Variants in APLF observed in about 807,000 individuals in gnomAD.
APLF encodes the protein aprataxin and PNKP like factor, also known as aprataxin and PNK-like factor.
APLF carries 61 observed loss-of-function variants against 55.6 expected under a neutral mutation model. That is an observed-to-expected ratio of 1.10 (90% CI 0.89 to 1.36). APLF has a LOEUF of 1.36. Ranked by LOEUF, APLF falls within the 40% of genes most tolerant of loss-of-function variation. APLF has a pLI of 0.00. For missense variants in APLF, 611 were observed against 602.5 expected, an observed-to-expected ratio of 1.01 and a Z score of -0.15; for synonymous variants, 207 against 214.8, an observed-to-expected ratio of 0.96 and a Z score of 0.32.
intron 5 of APLF, among the ~76,000 whole-genome samples, chr2:68,519,230 ATATAT>A (rs1000257347): frequency 6.4e-4 from 90 of 139,650 alleles, no homozygotes; most frequent in Admixed American, 8.4e-4. Context: ...TTATTACATA[ATATAT>A]TATATATTAT....
intron 1 of APLF, among the ~76,000 whole-genome samples, chr2:68,482,242 A>T (rs1675982805): frequency 6.6e-6 from 1 of 152,074 alleles, no homozygotes; most frequent in Non-Finnish European, 1.5e-5. Flanking sequence ...TAGCTTTCAC[A>T]GGGAAAGACC....
chr2:68,519,895 G>GT (rs1162965354), intron 5 of APLF, among the ~76,000 whole-genome samples: 2 of 151,692 alleles, frequency 1.3e-5, no homozygotes. Context: ...TCTCCACACG[G>GT]TTTTCTGTAG....
At chr2:68,557,661 C>T (rs1324216518) in intron 8 of APLF, among the ~76,000 whole-genome samples, 4 of 152,100 alleles carry the variant, frequency 2.6e-5, no homozygotes, top group African/African-American at 4.8e-5. Flanking sequence ...CCTGTAATCC[C>T]AGCACTGTGG....
chr2:68,532,161 C>G (rs1482801333), intron 6 of APLF, among the ~76,000 whole-genome samples: 1 of 152,106 alleles, frequency 6.6e-6, no homozygotes, highest in Non-Finnish European at 1.5e-5. Context: ...ACAGCTAGTC[C>G]TAAAGGGATA....
chr2:68,489,423 A>G (rs1234528420), intron 1 of APLF, among the ~76,000 whole-genome samples: 1 of 152,206 alleles, frequency 6.6e-6, no homozygotes, highest in Non-Finnish European at 1.5e-5. Context: ...AACCACAAAT[A>G]AAAAAGGCAA....
chr2:68,495,197 C>A (rs1314748445), intron 2 of APLF, among the ~76,000 whole-genome samples: 1 of 152,176 alleles, frequency 6.6e-6, no homozygotes, highest in Non-Finnish European at 1.5e-5. Flanking sequence ...CAATAATTCT[C>A]CAAAGTCTTA....
rs190942839 is a variant in APLF at position 68,529,471 on chromosome 2, C to T, written c.804+3229C>T. On this transcript the variant is annotated intron_variant, in intron 6 of 9. Coordinates refer to ENST00000303795, the MANE Select transcript of APLF (RefSeq NM_173545.3). This position sits in a 1 kb window ranked among gnomAD's most constrained non-coding sequence, Gnocchi z 4.4. ...CGCTTAGTGAGTTGTCCATTTTGAG[C>T]GAGTTGTGCACAGACGAAACTAAGG... is the stretch of plus-strand genomic sequence containing the variant. The T allele has an allele frequency of 2.3e-3, 2,598 of 1,114,812 alleles. 5 individuals are homozygous for T. The highest frequency in any genetic ancestry group is 4.8e-3 in the Middle Eastern group (12 of 2,526). The allele number at this position is 1,114,812 out of a possible 1,614,324, so 69.1% of individuals were successfully genotyped here.
At chr2:68,530,040 G>T (rs1176928586) in intron 6 of APLF, among the ~76,000 whole-genome samples, 6 of 152,200 alleles carry the variant, frequency 3.9e-5, no homozygotes, top group Non-Finnish European at 8.8e-5. Flanking sequence ...AGGACGCGGT[G>T]CCCTGACCTG....
In APLF at chr2:68,467,764, C is replaced by T; in HGVS notation, c.33C>T (p.Asp11=). The T allele has an allele frequency of 1.6e-6, 2 of 1,234,584 alleles. No homozygotes were observed. The highest frequency in any genetic ancestry group is 4.1e-5 in the South Asian group (1 of 24,414). 76.5% of individuals were successfully genotyped at this position (1,234,584 alleles called of 1,614,324 possible). The change falls in exon 1 of 10, where the codon GAC becomes GAT. Residue 11 remains aspartate, a synonymous_variant. Coordinates refer to ENST00000303795, the MANE Select transcript of APLF (RefSeq NM_173545.3). MSGGFELQPR[D]GGPRVALAPG... is the part of the protein sequence containing the mutation. ...GGGGCTTCGAGCTGCAGCCGCGGGA[C>T]GGCGGTCCCCGGGTGGCCCTGGCGC...
At chr2:68,539,732 G>C (rs1670494931) in intron 7 of APLF, among the ~76,000 whole-genome samples, 2 of 151,976 alleles carry the variant, frequency 1.3e-5, no homozygotes, top group Non-Finnish European at 2.9e-5. Flanking sequence ...AATTATATAA[G>C]AATAGAAAAG....
rs1221135820 is a variant in APLF at position 68,578,991 on chromosome 2, C to A, written c.*969C>A. On this transcript the variant is annotated 3_prime_UTR_variant, in exon 10 of 10. Coordinates refer to ENST00000303795, the MANE Select transcript of APLF (RefSeq NM_173545.3). ...CTATAATGCTCTTCATATTACGTGA[C>A]TTTGAATTGTTAAAATGTAGTTTAG... 1 of 984,720 alleles carries A rather than the reference C, an allele frequency of 1.0e-6. No homozygotes were observed. The highest frequency in any genetic ancestry group is 1.2e-6 in the Non-Finnish European group (1 of 829,430). 61.0% of individuals were successfully genotyped at this position (984,720 alleles called of 1,614,324 possible).
intron 8 of APLF, among the ~76,000 whole-genome samples, chr2:68,548,864 T>C (rs925125573): frequency 6.6e-6 from 1 of 151,766 alleles, no homozygotes; most frequent in African/African-American, 2.4e-5. Context: ...ATGATCAATA[T>C]TGTTTCATCA....
In APLF at chr2:68,545,197, G is replaced by C; in HGVS notation, c.1171G>C (p.Val391Leu). Residue 391 changes from valine to leucine, a missense_variant, in exon 8 of 10, where the codon GTT becomes CTT. By Grantham distance (32) the Val-to-Leu change is conservative. Transcript: ENST00000303795. ...YGANCYRKNPVHFQHFSHPGD... is the reference protein window; with the variant it reads ...YGANCYRKNPLHFQHFSHPGD... ...TTGTCGCCCTCCTAGGAAGAATCCT[G>C]TTCATTTTCAACATTTTAGCCATCC... 1.9e-6 allele frequency: 3 copies of C among 1,613,114 alleles called. No homozygotes were observed. The South Asian group carries it at 3.3e-5, about 18-fold the overall frequency.
At chr2:68,543,121 G>T (rs575637443) in intron 7 of APLF, among the ~76,000 whole-genome samples, 3 of 152,206 alleles carry the variant, frequency 2.0e-5, no homozygotes, top group African/African-American at 7.2e-5. Flanking sequence ...AATTAGAATG[G>T]CAGTTACCAG....
chr2:68,516,897 ATATAT>A (rs993596509), intron 5 of APLF, among the ~76,000 whole-genome samples: 140 of 131,478 alleles, frequency 1.1e-3, no homozygotes, highest in African/African-American at 2.5e-3. Flanking sequence ...TAATATAATA[ATATAT>A]TATATATCCT....
At chr2:68,552,100 C>T (rs1200139788) in intron 8 of APLF, among the ~76,000 whole-genome samples, 2 of 152,078 alleles carry the variant, frequency 1.3e-5, no homozygotes, top group Non-Finnish European at 2.9e-5. Flanking sequence ...AGCCTATTAG[C>T]CTACTACCCA....
chr2:68,542,602 A>G (rs1450490624), intron 7 of APLF, among the ~76,000 whole-genome samples: 1 of 152,206 alleles, frequency 6.6e-6, no homozygotes, highest in Non-Finnish European at 1.5e-5. Context: ...ACATTGAGAT[A>G]TCACCTCACA....
chr2:68,570,299 TA>T (rs1354872363), intron 9 of APLF, among the ~76,000 whole-genome samples: 1 of 151,136 alleles, frequency 6.6e-6, no homozygotes, highest in African/African-American at 2.4e-5. Flanking sequence ...TATATATATA[TA>T]TTTTTATTAT....
intron 6 of APLF, among the ~76,000 whole-genome samples, chr2:68,527,117 C>G: frequency 6.6e-6 from 1 of 151,652 alleles, no homozygotes; most frequent in African/African-American, 2.4e-5. Flanking sequence ...CAGAGGCGCT[C>G]CTCCCTTACA....
Sources: gnomAD v4.1 joint callset for allele counts (sites outside exome capture counted in the v4.1 genomes callset) on GRCh38, gnomAD v4.1.1 for gene constraint, Gnocchi (gnomAD v3.1) non-coding constraint, MANE v1.5 for transcripts, NCBI Gene and HGNC (gene_info 2026-07-23, HGNC 2026-07-21) for gene names.